ITPR2: variants seen among roughly 807,000 people sequenced by gnomAD.
ITPR2 encodes the protein inositol 1,4,5-trisphosphate receptor type 2.
In ITPR2, 207 loss-of-function variants were observed where a neutral mutation model predicts 317.1. The observed-to-expected ratio is 0.65, with a 90% confidence interval of 0.58 to 0.73. The LOEUF (loss-of-function observed/expected upper bound fraction) is 0.73. Ranked by LOEUF, ITPR2 falls within the 30% of genes least tolerant of loss-of-function variation. ITPR2 has a pLI of 0.00. For synonymous variants in ITPR2, 1,156 were observed against 1,149.1 expected (o/e 1.01, Z -0.12); for missense variants, 2,613 against 3,284.0 (o/e 0.80, Z 4.99).
intron 1 of ITPR2, among the ~76,000 whole-genome samples, chr12:26,812,162 C>CAAA (rs531704983): frequency 1.1e-5 from 1 of 90,846 alleles, no homozygotes; most frequent in Admixed American, 1.2e-4. Context: ...GACTCCATCT[C>CAAA]AAAAAAAAAA....
intron 25 of ITPR2, among the ~76,000 whole-genome samples, chr12:26,621,679 T>C (rs1349281872): frequency 6.6e-6 from 1 of 152,184 alleles, no homozygotes; most frequent in African/African-American, 2.4e-5. Flanking sequence ...AACTACCCTT[T>C]TATTTCATAT....
chr12:26,633,283 G>A (rs1030730659), intron 21 of ITPR2, among the ~76,000 whole-genome samples: 10 of 152,150 alleles, frequency 6.6e-5, no homozygotes, highest in Admixed American at 3.3e-4. Context: ...TTACCATTAA[G>A]CCACTGGTAA....
At chr12:26,424,983 A>C (rs1203869162) in intron 49 of ITPR2, among the ~76,000 whole-genome samples, 4 of 148,288 alleles carry the variant, frequency 2.7e-5, no homozygotes, top group African/African-American at 1.0e-4. Flanking sequence ...CTGGTCACAA[A>C]CTCCTGATCT....
intron 37 of ITPR2, among the ~76,000 whole-genome samples, chr12:26,497,734 G>A (rs1403857990): frequency 4.8e-4 from 67 of 139,968 alleles, no homozygotes; most frequent in Non-Finnish European, 8.5e-4. Flanking sequence ...TTTTTGAAAC[G>A]GAGTCTCACT....
chr12:26,374,219 T>C (rs963890297), intron 55 of ITPR2, among the ~76,000 whole-genome samples: 3 of 152,232 alleles, frequency 2.0e-5, no homozygotes, highest in African/African-American at 4.8e-5. Context: ...AACAGGTTTG[T>C]GTCAGACAAC....
At chr12:26,651,272 C>A (rs1469731179) in intron 21 of ITPR2, among the ~76,000 whole-genome samples, 2 of 152,158 alleles carry the variant, frequency 1.3e-5, no homozygotes, top group African/African-American at 4.8e-5. Flanking sequence ...TTCCCTCTCA[C>A]CCTCATCACT....
chr12:26,691,110 G>A (rs900653197), intron 10 of ITPR2, among the ~76,000 whole-genome samples: 10 of 152,174 alleles, frequency 6.6e-5, no homozygotes, highest in African/African-American at 2.4e-4. Context: ...TTGGTAGACA[G>A]TCTGACAGTA....
chr12:26,588,930 A>G (rs907007225), intron 32 of ITPR2, among the ~76,000 whole-genome samples: 1 of 152,248 alleles, frequency 6.6e-6, no homozygotes, highest in Admixed American at 6.5e-5. Context: ...ACATCTTCAA[A>G]GAAAAAATAT....
intron 37 of ITPR2, among the ~76,000 whole-genome samples, chr12:26,515,252 A>G (rs1029083682): frequency 1.3e-5 from 2 of 152,240 alleles, no homozygotes; most frequent in Non-Finnish European, 1.5e-5. Context: ...CCAAATTCTA[A>G]TACTAAAGTT....
In ITPR2 at chr12:26,578,835, T is replaced by C. The variant is rs746726585; in HGVS notation, c.4510-2A>G. ...CTGAATAAAAACTGGCTGATGTGTC[T>C]AAAACCAGAAAGAAGGTAGGCAAAA... On this transcript the variant is annotated splice_acceptor_variant, in intron 33 of 56. Transcript: ENST00000381340. LOFTEE classifies it high-confidence loss of function. The C allele has an allele frequency of 6.2e-7, 1 of 1,602,898 alleles. No individual in the cohort carries two copies. The highest frequency in any genetic ancestry group is 8.5e-7 in the Non-Finnish European group (1 of 1,171,776).
chr12:26,589,795 AAAT>A lies in ITPR2; in HGVS notation c.4380+5667_4380+5669del, dbSNP rs1945637901. 8.1e-5 allele frequency among the ~76,000 whole-genome samples: 4 copies of A among 49,480 alleles called. 1 individual carries two copies. The highest frequency in any genetic ancestry group is 1.7e-4 in the African/African-American group (3 of 18,108). 32.5% of individuals were successfully genotyped at this position (49,480 alleles called of 152,430 possible). A position where few individuals can be genotyped will look rare whatever the true frequency, so the allele number is the denominator to read the frequency against. ...GAACGAAACTCTGTTTCAAAAAAAA[AAAT>A]AAATAAATAAAAAATAAATAAATAA... On this transcript the variant is annotated intron_variant, in intron 32 of 56. Coordinates refer to ENST00000381340, the MANE Select transcript of ITPR2 (RefSeq NM_002223.4).
chr12:26,559,526 G>A (rs1351309622), intron 35 of ITPR2, among the ~76,000 whole-genome samples: 2 of 151,980 alleles, frequency 1.3e-5, no homozygotes. Flanking sequence ...GACTCTAATC[G>A]CAACTCCCAG....
At position 26,627,148 on chromosome 12, in the gene ITPR2, A is replaced by T. The variant is rs187471867; in HGVS notation, c.3064+885T>A. On this transcript the variant is annotated intron_variant, in intron 23 of 56. Transcript: ENST00000381340. ...ATAACTATACAAAGTAAATTTTTTT[A>T]AAAAAAATCCACACACACAAAATGA... 2.7e-4 allele frequency: 41 copies of T among 152,192 alleles called. No homozygotes were observed. The East Asian group carries it at 3.7e-3, about 14-fold the overall frequency. 9.4% of individuals were successfully genotyped at this position (152,192 alleles called of 1,614,324 possible).
chr12:26,572,400 T>A (rs1449388427), intron 34 of ITPR2, among the ~76,000 whole-genome samples: 2 of 152,188 alleles, frequency 1.3e-5, no homozygotes, highest in African/African-American at 4.8e-5. Flanking sequence ...AGGGGCCTAG[T>A]TTGGCACGAT....
At chr12:26,596,772 T>C in intron 31 of ITPR2, 111 bp downstream of exon 31, 1 of 821,994 alleles carries the variant, frequency 1.2e-6, no homozygotes, top group Non-Finnish European at 1.8e-6. Flanking sequence ...ATTCCCTGAC[T>C]AAATATATGA....
At chr12:26,688,283 C>G (rs759604946) in intron 10 of ITPR2, among the ~76,000 whole-genome samples, 6 of 152,088 alleles carry the variant, frequency 3.9e-5, no homozygotes, top group African/African-American at 7.2e-5. Flanking sequence ...TCAAGCGATC[C>G]TCCCTGCTTG....
At chr12:26,526,688 T>C (rs1399209761) in intron 37 of ITPR2, among the ~76,000 whole-genome samples, 2 of 152,084 alleles carry the variant, frequency 1.3e-5, no homozygotes, top group East Asian at 1.9e-4. Flanking sequence ...TAGGAGGTCA[T>C]GTGGTAGTCC....
At chr12:26,463,842 C>A (rs1942103217) in intron 45 of ITPR2, among the ~76,000 whole-genome samples, 1 of 152,096 alleles carries the variant, frequency 6.6e-6, no homozygotes, top group Non-Finnish European at 1.5e-5. Context: ...CCCTAACTAC[C>A]TCCCACAGTT....
intron 5 of ITPR2, among the ~76,000 whole-genome samples, chr12:26,719,100 T>C (rs1053526248): frequency 6.6e-6 from 1 of 152,088 alleles, no homozygotes; most frequent in African/African-American, 2.4e-5. Context: ...AACTTGCAAG[T>C]GAAATGGATA....
Sources: allele counts gnomAD v4.1 joint callset (sites outside exome capture counted in the v4.1 genomes callset), GRCh38; gene constraint gnomAD v4.1.1; transcripts MANE v1.5; gene names NCBI Gene and HGNC (gene_info 2026-07-23, HGNC 2026-07-21).